The following SLTM variants were observed in gnomAD, a reference collection of about 807,000 sequenced individuals.
SLTM encodes SAFB-like transcription modulator.
Under a neutral mutation model 134.6 loss-of-function variants are expected in SLTM, and 43 were observed. The ratio of observed to expected loss-of-function variants is 0.32; its 90% CI spans 0.25 to 0.41. The LOEUF (loss-of-function observed/expected upper bound fraction) is 0.41. Ranked by LOEUF, SLTM falls within the 10% of genes least tolerant of loss-of-function variation. The probability of loss-of-function intolerance (pLI) is 1.00; values close to 1 mark genes in which losing one functional copy is unlikely to be tolerated. For missense variants in SLTM, 1,055 were observed against 1,288.8 expected, an observed-to-expected ratio of 0.82 and a Z score of 2.78; for synonymous variants, 424 against 432.3, an observed-to-expected ratio of 0.98 and a Z score of 0.24.
chr15:58,905,095 C>T (rs935386812), intron 5 of SLTM, among the ~76,000 whole-genome samples: 11 of 152,186 alleles, frequency 7.2e-5, no homozygotes, highest in African/African-American at 2.7e-4. Context: ...CCTTTTGCCT[C>T]GGCTTCCCAA....
At chr15:58,920,244 C>T (rs548249652) in intron 2 of SLTM, among the ~76,000 whole-genome samples, 5 of 151,346 alleles carry the variant, frequency 3.3e-5, no homozygotes, top group South Asian at 4.2e-4. Flanking sequence ...TCACTTGAAC[C>T]GGGGAAGTGG....
rs139763602 is a variant in SLTM at position 58,908,576 on chromosome 15, C to A, written c.561+3987G>T. On this transcript the variant is annotated intron_variant, in intron 5 of 20. Coordinates refer to ENST00000380516, the MANE Select transcript of SLTM (RefSeq NM_024755.4). ...TAGAGACAGGGTCTTACTATGTTGC[C>A]CAGGCTGGTCTCGAACTCCTGGCCT... Among the ~76,000 whole-genome samples the A allele has an allele frequency of 2.7e-3, 409 of 152,058 alleles. 1 individual carries two copies. The highest frequency in any genetic ancestry group is 9.5e-3 in the African/African-American group (393 of 41,462).
rs1161829243 is a variant in SLTM at position 58,887,054 on chromosome 15, C to T, written c.2756G>A (p.Gly919Glu). 1.2e-6 allele frequency: 2 copies of T among 1,613,690 alleles called. No individual in the cohort carries two copies. Among genetic ancestry groups the T allele is most frequent in the African/African-American group, 2.7e-5 (2 of 74,908 alleles). Residue 919 changes from glycine to glutamate, a missense_variant, in exon 19 of 21, where the codon GGG becomes GAG. Gly to Glu is a moderately conservative substitution (Grantham distance 98). Transcript: ENST00000380516. ...GTACCCCGAAGCGCTGCTACGATTC[C>T]CAGGGGGAGCGCCTCTCACACTGTG... ...SGHSVRGAPP[G>E]NRSSASGYGS...
chr15:58,887,376 C>T lies in SLTM; in HGVS notation c.2540G>A (p.Arg847Gln), dbSNP rs779961457. Reference sequence around the variant, plus strand: ...CGTTCTCCTTTCGTCTCGCTCCCCTCGTACTTCTCGCCTGTCTGATTCTCT... The same window carrying T: ...CGTTCTCCTTTCGTCTCGCTCCCCTTGTACTTCTCGCCTGTCTGATTCTCT... Reference protein sequence around the residue: ...ELRESDRREVRGERDERRTVI... With the variant: ...ELRESDRREVQGERDERRTVI... Residue 847 changes from arginine to glutamine, a missense_variant, in exon 18 of 21, where the codon CGA becomes CAA. By Grantham distance (43) the Arg-to-Gln change is conservative. Transcript: ENST00000380516. 74 of 1,613,798 alleles carry T rather than the reference C, an allele frequency of 4.6e-5. No individual in the cohort carries two copies. Among genetic ancestry groups the T allele is most frequent in the Non-Finnish European group, 6.0e-5 (71 of 1,179,988 alleles).
rs568217129 is a variant in SLTM, at chr15:58,899,351, G to A, written c.1058+118C>T. The A allele has an allele frequency of 7.5e-6, 6 of 799,952 alleles. No individual in the cohort carries two copies. The Admixed American group carries it at 1.6e-4, about 21-fold the overall frequency. The allele number at this position is 799,952 out of a possible 1,614,324, so 49.6% of individuals were successfully genotyped here. ...ACTTATGACGGTCAAAAATATTATA[G>A]GCAGGATCATAAGACACTAATTACT... On this transcript the variant is annotated intron_variant, in intron 7 of 20. Transcript: ENST00000380516. This position sits in a 1 kb window ranked among gnomAD's most constrained non-coding sequence, Gnocchi z 5.0.
intron 5 of SLTM, among the ~76,000 whole-genome samples, chr15:58,905,570 A>T (rs2141069118): frequency 6.6e-6 from 1 of 152,146 alleles, no homozygotes; most frequent in South Asian, 2.1e-4. Context: ...AAAAATAAAT[A>T]ATTTTTTAAA....
intron 4 of SLTM, among the ~76,000 whole-genome samples, chr15:58,913,147 G>C (rs978602655): frequency 6.6e-5 from 10 of 152,080 alleles, no homozygotes; most frequent in Admixed American, 5.9e-4. Context: ...TCATCGTGGA[G>C]TAGGAAAAAA....
At position 58,933,608 on chromosome 15, in the gene SLTM, G is replaced by A. The variant is rs1468961993; in HGVS notation, c.-43C>T. 33 of 1,512,998 alleles carry A rather than the reference G, an allele frequency of 2.2e-5. No homozygotes were observed. Among genetic ancestry groups the A allele is most frequent in the Non-Finnish European group, 2.7e-5 (31 of 1,131,308 alleles). 93.7% of individuals were successfully genotyped at this position (1,512,998 alleles called of 1,614,324 possible). The stretch of plus-strand genomic sequence containing the variant: ...CTGCCGAGGCAGCGAGTGGGCTGCA[G>A]GGCGGCGGCAGCAGCGCCAACTTCC... On this transcript the variant is annotated 5_prime_UTR_variant, in exon 1 of 21. Coordinates refer to ENST00000380516, the MANE Select transcript of SLTM (RefSeq NM_024755.4).
chr15:58,916,180 T>C (rs1286691555), intron 3 of SLTM, among the ~76,000 whole-genome samples: 16 of 142,440 alleles, frequency 1.1e-4, no homozygotes, highest in African/African-American at 3.7e-4. Flanking sequence ...CTCTCTCTCT[T>C]TTTTTTTTTT....
At chr15:58,896,734 G>A (rs1191258334) in intron 9 of SLTM, among the ~76,000 whole-genome samples, 5 of 152,000 alleles carry the variant, frequency 3.3e-5, no homozygotes, top group South Asian at 2.1e-4. Context: ...CCAGGCCCCC[G>A]TGAATTATGT....
At chr15:58,887,156 CT>C (rs2034281635) in intron 18 of SLTM, 37 bp from the exon 19 acceptor site, 1 of 1,612,956 alleles carries the variant, frequency 6.2e-7, no homozygotes, top group East Asian at 2.2e-5. Context: ...ATGATCAAAA[CT>C]GTAATCTTAA....
intron 9 of SLTM, among the ~76,000 whole-genome samples, chr15:58,896,279 C>T (rs1020809852): frequency 1.4e-4 from 22 of 152,182 alleles, no homozygotes; most frequent in African/African-American, 5.3e-4. Context: ...TATATTTAGG[C>T]GTGGTGCGAT....
intron 2 of SLTM, among the ~76,000 whole-genome samples, chr15:58,925,759 A>T (rs2037409818): frequency 6.6e-6 from 1 of 152,198 alleles, no homozygotes; most frequent in African/African-American, 2.4e-5. Context: ...GAACAGAATA[A>T]ACAATTCCGG....
At chr15:58,925,464 A>G (rs1186418336) in intron 2 of SLTM, among the ~76,000 whole-genome samples, 1 of 152,106 alleles carries the variant, frequency 6.6e-6, no homozygotes, top group South Asian at 2.1e-4. Flanking sequence ...CAGCCTCCTG[A>G]GTAGCTAAGG....
rs759688328 is a variant in SLTM, at chr15:58,889,495, T to C, written c.2139A>G (p.Gln713=). 1.9e-6 allele frequency: 3 copies of C among 1,614,132 alleles called. No individual in the cohort carries two copies. The highest frequency in any genetic ancestry group is 1.3e-5 in the African/African-American group (1 of 75,070). ...TTTCTTGTTCATAACGAAGCTGCTG[T>C]TGTTGCCTTCTGAGTTCCTCTCTTT... ...AREREELRRQ[Q]QQLRYEQEKR... Residue 713 remains glutamine (Q), a synonymous_variant, in exon 16 of 21, where the codon CAA becomes CAG. Coordinates refer to ENST00000380516, the MANE Select transcript of SLTM (RefSeq NM_024755.4).
intron 2 of SLTM, among the ~76,000 whole-genome samples, chr15:58,920,347 G>A (rs574430720): frequency 6.6e-6 from 1 of 152,034 alleles, no homozygotes; most frequent in East Asian, 1.9e-4. Flanking sequence ...AATAAGGCTG[G>A]GCACAGCAGC....
intron 16 of SLTM, 134 bp from the exon 17 acceptor site, chr15:58,888,689 A>G: frequency 5.6e-6 from 4 of 715,084 alleles, no homozygotes; most frequent in Non-Finnish European, 8.7e-6. Flanking sequence ...ATAACACATC[A>G]GGAGTACAAA....
At chr15:58,931,991 G>C (rs138357608) in intron 2 of SLTM, among the ~76,000 whole-genome samples, 2 of 152,336 alleles carry the variant, frequency 1.3e-5, no homozygotes, top group Admixed American at 6.5e-5. Flanking sequence ...AAGGAGGCAA[G>C]GTAAAAGATT....
intron 9 of SLTM, among the ~76,000 whole-genome samples, chr15:58,895,269 A>G (rs1231873139): frequency 6.6e-6 from 1 of 152,214 alleles, no homozygotes; most frequent in Non-Finnish European, 1.5e-5. Flanking sequence ...GAGTGTTAAC[A>G]CTTTTCTATA....
Sources: allele counts gnomAD v4.1 joint callset (sites outside exome capture counted in the v4.1 genomes callset), GRCh38; gene constraint gnomAD v4.1.1; non-coding constraint Gnocchi (gnomAD v3.1); transcripts MANE v1.5; gene names NCBI Gene and HGNC (gene_info 2026-07-23, HGNC 2026-07-21).